The following TIAM1 variants were observed in gnomAD, a reference collection of about 807,000 sequenced individuals.
The protein encoded by TIAM1 is TIAM Rac1 associated GEF 1, also known as rho guanine nucleotide exchange factor TIAM1.
Under a neutral mutation model 163.5 loss-of-function variants are expected in TIAM1, and 65 were observed. The ratio of observed to expected loss-of-function variants is 0.40; its 90% CI spans 0.33 to 0.49. The LOEUF (loss-of-function observed/expected upper bound fraction) is 0.49. Among genes scored for constraint, TIAM1 ranks in the 20% least tolerant of loss-of-function variants. The probability of loss-of-function intolerance (pLI) is 0.77; values close to 1 mark genes in which losing one functional copy is unlikely to be tolerated. For missense variants in TIAM1, 1,789 were observed against 2,044.7 expected, an observed-to-expected ratio of 0.87 and a Z score of 2.41; for synonymous variants, 833 against 810.1, an observed-to-expected ratio of 1.03 and a Z score of -0.48.
chr21:31,248,017 T>C (rs899535793), intron 5 of TIAM1, among the ~76,000 whole-genome samples: 1 of 152,144 alleles, frequency 6.6e-6, no homozygotes, highest in African/African-American at 2.4e-5. Flanking sequence ...GAAGGTGCTA[T>C]TGGCATCTAG....
At chr21:31,394,233 A>G (rs191419544) in intron 2 of TIAM1, among the ~76,000 whole-genome samples, 1 of 152,318 alleles carries the variant, frequency 6.6e-6, no homozygotes, top group East Asian at 1.9e-4. Flanking sequence ...CATATTACTA[A>G]GTGAAAGAAG....
At chr21:31,516,540 A>G (rs1003921541) in intron 1 of TIAM1, among the ~76,000 whole-genome samples, 3 of 152,202 alleles carry the variant, frequency 2.0e-5, no homozygotes, top group African/African-American at 7.2e-5. Flanking sequence ...CCTAAGGAAG[A>G]GAATTCTCTA....
intron 12 of TIAM1, among the ~76,000 whole-genome samples, chr21:31,201,432 G>A (rs558927217): frequency 1.3e-5 from 2 of 152,084 alleles, no homozygotes; most frequent in African/African-American, 2.4e-5. Flanking sequence ...AAAAGCACAC[G>A]CTCTCTTACA....
intron 2 of TIAM1, among the ~76,000 whole-genome samples, chr21:31,456,584 G>A (rs1226007778): frequency 2.0e-5 from 3 of 152,010 alleles, no homozygotes; most frequent in African/African-American, 7.2e-5. Flanking sequence ...GGTTTGTGAT[G>A]TGCTACAGTT....
intron 15 of TIAM1, among the ~76,000 whole-genome samples, chr21:31,181,773 T>C (rs1194892471): frequency 2.9e-4 from 17 of 59,054 alleles, no homozygotes; most frequent in Admixed American, 1.4e-3. Context: ...TTTTTTTTTT[T>C]TTTTTTTTTT....
intron 2 of TIAM1, among the ~76,000 whole-genome samples, chr21:31,336,543 C>T (rs1285234197): frequency 1.4e-5 from 2 of 142,066 alleles, no homozygotes; most frequent in South Asian, 2.3e-4. Flanking sequence ...CTTTCCTTTG[C>T]TCACAGAACC....
chr21:31,193,995 A>G (rs892465623), intron 13 of TIAM1, among the ~76,000 whole-genome samples: 4 of 151,910 alleles, frequency 2.6e-5, no homozygotes, highest in Non-Finnish European at 5.9e-5. Flanking sequence ...CCTGGTCCAA[A>G]CAATCTGTGG....
chr21:31,469,214 G>A (rs2045648108), intron 1 of TIAM1, among the ~76,000 whole-genome samples: 1 of 149,844 alleles, frequency 6.7e-6, no homozygotes, highest in African/African-American at 2.5e-5. Context: ...AGCCTCCCAA[G>A]TAGCTGGGAC....
intron 2 of TIAM1, among the ~76,000 whole-genome samples, chr21:31,310,659 G>A (rs181211200): frequency 3.3e-5 from 5 of 152,110 alleles, no homozygotes; most frequent in Admixed American, 6.5e-5. Flanking sequence ...CCTTTCAGAC[G>A]CAGAAGGTAA....
chr21:31,122,754 CT>C (rs1206324447), intron 27 of TIAM1, among the ~76,000 whole-genome samples: 9 of 152,164 alleles, frequency 5.9e-5, no homozygotes, highest in African/African-American at 2.2e-4. Context: ...AATAAACTAC[CT>C]GAGTATTCAA....
At chr21:31,366,851 C>T (rs1270325454) in intron 2 of TIAM1, among the ~76,000 whole-genome samples, 1 of 152,200 alleles carries the variant, frequency 6.6e-6, no homozygotes, top group Non-Finnish European at 1.5e-5. Flanking sequence ...CTCTTAACCT[C>T]ATGTGATCCA....
At chr21:31,367,774 T>C (rs1290799692) in intron 2 of TIAM1, among the ~76,000 whole-genome samples, 1 of 152,230 alleles carries the variant, frequency 6.6e-6, no homozygotes, top group Non-Finnish European at 1.5e-5. Context: ...ATTCGTTACC[T>C]ATTTGTTCTT....
intron 2 of TIAM1, among the ~76,000 whole-genome samples, chr21:31,321,423 G>T (rs983392358): frequency 4.6e-5 from 7 of 152,096 alleles, no homozygotes; most frequent in African/African-American, 1.7e-4. Context: ...CGCGATCTTG[G>T]CTCACTGCAA....
At chr21:31,516,628 A>G (rs1338484629) in intron 1 of TIAM1, among the ~76,000 whole-genome samples, 1 of 151,746 alleles carries the variant, frequency 6.6e-6, no homozygotes, top group African/African-American at 2.4e-5. Context: ...TCCACCCTGC[A>G]AAACTCAACA....
chr21:31,263,549 G>T (rs994062511), intron 4 of TIAM1, among the ~76,000 whole-genome samples: 1 of 152,006 alleles, frequency 6.6e-6, no homozygotes, highest in African/African-American at 2.4e-5. Flanking sequence ...GACCTAGAGG[G>T]GAGAACTGTC....
intron 2 of TIAM1, among the ~76,000 whole-genome samples, chr21:31,292,085 A>C (rs567020254): frequency 6.6e-6 from 1 of 152,224 alleles, no homozygotes; most frequent in Non-Finnish European, 1.5e-5. Flanking sequence ...CATTCACTGC[A>C]TCTGTGACCT....
intron 2 of TIAM1, among the ~76,000 whole-genome samples, chr21:31,442,199 A>C (rs1436212607): frequency 1.3e-5 from 2 of 148,600 alleles, no homozygotes; most frequent in African/African-American, 2.5e-5. Context: ...CAGTCAATGG[A>C]CAATTACTAA....
intron 2 of TIAM1, among the ~76,000 whole-genome samples, chr21:31,427,362 C>T (rs954924359): frequency 2.0e-5 from 3 of 151,992 alleles, no homozygotes; most frequent in Non-Finnish European, 4.4e-5. Flanking sequence ...TGGTGGGCGC[C>T]TGTAGTCCCA....
At chr21:31,160,878 C>T (rs2083882154) in intron 16 of TIAM1, 2 of 183,650 alleles carry the variant, frequency 1.1e-5, no homozygotes, top group African/African-American at 4.7e-5. Flanking sequence ...GAAAACAAAG[C>T]ACAAAATGCC....
Sources: allele counts gnomAD v4.1 joint callset (sites outside exome capture counted in the v4.1 genomes callset), GRCh38; gene constraint gnomAD v4.1.1; transcripts MANE v1.5; gene names NCBI Gene and HGNC (gene_info 2026-07-23, HGNC 2026-07-21).